The following NEO1 variants were observed in gnomAD, a reference collection of about 807,000 sequenced individuals.
NEO1 encodes neogenin 1, also known as neogenin.
A neutral mutation model predicts 159.7 loss-of-function variants in NEO1; 63 were observed. The ratio of observed to expected loss-of-function variants is 0.39; its 90% CI spans 0.32 to 0.49. The LOEUF (loss-of-function observed/expected upper bound fraction) is 0.49, where lower values mean the gene tolerates loss of function less well. NEO1 is among the 20% of genes least tolerant of loss of function. The pLI is 0.85. For synonymous variants in NEO1, 633 were observed against 662.0 expected (o/e 0.96, Z 0.67); for missense variants, 1,615 against 1,831.0 (o/e 0.88, Z 2.15).
intron 1 of NEO1, among the ~76,000 whole-genome samples, chr15:73,074,755 T>TA (rs2068691770): frequency 6.6e-6 from 1 of 152,176 alleles, no homozygotes; most frequent in Admixed American, 6.6e-5. Context: ...CTGTCAGTCT[T>TA]ACCCCAGGAG....
At chr15:73,093,018 A>T (rs573532181) in intron 1 of NEO1, among the ~76,000 whole-genome samples, 1 of 151,948 alleles carries the variant, frequency 6.6e-6, no homozygotes, top group Non-Finnish European at 1.5e-5. Flanking sequence ...CTTGGCTGTG[A>T]TAGTTTCTCA....
rs2042476627 is a variant in NEO1 at position 73,298,700 on chromosome 15, G to A, written c.4165+89G>A. 5 of 1,518,008 alleles carry A rather than the reference G, an allele frequency of 3.3e-6. No homozygotes were observed. The South Asian group carries it at 4.9e-5, about 15-fold the overall frequency. The allele number at this position is 1,518,008 out of a possible 1,614,324, so 94.0% of individuals were successfully genotyped here. A position where few individuals can be genotyped will look rare whatever the true frequency, so the allele number is the denominator to read the frequency against. ...GGGACAAAGCCACCCCTTCTTTGAAGTATAGCAAAGCAAATATCCTCCAAG... is the reference window on the plus strand; with the variant it reads ...GGGACAAAGCCACCCCTTCTTTGAAATATAGCAAAGCAAATATCCTCCAAG... On this transcript the variant is annotated intron_variant, in intron 27 of 28. Coordinates refer to ENST00000261908, the MANE Select transcript of NEO1 (RefSeq NM_002499.4).
intron 14 of NEO1, chr15:73,259,115 G>T (rs1283052437): frequency 5.7e-6 from 2 of 349,830 alleles, no homozygotes; most frequent in Non-Finnish European, 1.1e-5. Context: ...TGTGCTATAA[G>T]TTGGATTTTT....
rs869029902 is a variant in NEO1, at chr15:73,279,351, G to GTTTTTTTTTTTTTTTTTTTTTTTTT, written c.3262+1167_3262+1168insTTTTTTTTTTTTTTTTTTTTTTTTT. On this transcript the variant is annotated intron_variant, in intron 22 of 28. Coordinates refer to ENST00000261908, the MANE Select transcript of NEO1 (RefSeq NM_002499.4). ...ATGTTTTTTTGTTGTTTTGGTTTTG[G>GTTTTTTTTTTTTTTTTTTTTTTTTT]TTTTTTTTTTTTTTTGAGATGGAAT... Among the ~76,000 whole-genome samples the GTTTTTTTTTTTTTTTTTTTTTTTTT allele has an allele frequency of 1.8e-4, 21 of 119,342 alleles. 4 individuals carry two copies. Among genetic ancestry groups the GTTTTTTTTTTTTTTTTTTTTTTTTT allele is most frequent in the Admixed American group, 3.0e-4 (3 of 10,028 alleles). The allele number at this position is 119,342 out of a possible 152,430, so 78.3% of individuals were successfully genotyped here.
intron 11 of NEO1, among the ~76,000 whole-genome samples, chr15:73,252,777 G>T (rs980531630): frequency 6.6e-6 from 1 of 152,192 alleles, no homozygotes; most frequent in East Asian, 1.9e-4. Context: ...ATCACCTGAG[G>T]TCAGGAGTTC....
At chr15:73,127,111 G>A (rs1248361354) in intron 4 of NEO1, among the ~76,000 whole-genome samples, 4 of 151,828 alleles carry the variant, frequency 2.6e-5, no homozygotes, top group South Asian at 2.1e-4. Context: ...TGTGCCTGTA[G>A]TCCCAGCTAC....
chr15:73,290,722 G>A (rs748483940), intron 25 of NEO1, among the ~76,000 whole-genome samples: 21 of 152,326 alleles, frequency 1.4e-4, no homozygotes, highest in Non-Finnish European at 2.8e-4. Flanking sequence ...TTTCAAGGAA[G>A]TGAAGCCTTT....
intron 4 of NEO1, among the ~76,000 whole-genome samples, chr15:73,134,676 T>C (rs1279045130): frequency 1.3e-5 from 2 of 151,880 alleles, no homozygotes; most frequent in South Asian, 2.1e-4. Flanking sequence ...TCAGCCTCCG[T>C]GTAGCTGGGA....
chr15:73,240,753 A>G (rs996567669), intron 8 of NEO1, among the ~76,000 whole-genome samples: 3 of 152,204 alleles, frequency 2.0e-5, no homozygotes, highest in Non-Finnish European at 4.4e-5. Context: ...CTTGAAGTGG[A>G]TAGGACAAAT....
intron 7 of NEO1, among the ~76,000 whole-genome samples, chr15:73,207,522 T>C (rs2037308782): frequency 1.3e-5 from 2 of 152,230 alleles, no homozygotes; most frequent in Admixed American, 6.5e-5. Context: ...TCAGCAGCAG[T>C]GCTCTGGGCA....
chr15:73,290,275 G>C (rs2042112666), intron 25 of NEO1, among the ~76,000 whole-genome samples: 1 of 107,534 alleles, frequency 9.3e-6, no homozygotes, highest in Non-Finnish European at 1.7e-5. Flanking sequence ...GAGTCTTGCT[G>C]TGTCGCCAAG....
At chr15:73,130,807 G>A (rs141547960) in intron 4 of NEO1, among the ~76,000 whole-genome samples, 1 of 152,218 alleles carries the variant, frequency 6.6e-6, no homozygotes, top group Non-Finnish European at 1.5e-5. Flanking sequence ...GCCCAGCGGA[G>A]AGTCAAAGCT....
intron 5 of NEO1, among the ~76,000 whole-genome samples, chr15:73,141,629 A>G (rs2032395465): frequency 6.6e-6 from 1 of 152,186 alleles, no homozygotes; most frequent in Non-Finnish European, 1.5e-5. Flanking sequence ...AATACCTATA[A>G]CTAATCTACC....
intron 5 of NEO1, among the ~76,000 whole-genome samples, chr15:73,164,955 G>A (rs970018492): frequency 2.6e-5 from 4 of 152,108 alleles, no homozygotes; most frequent in Admixed American, 6.5e-5. Context: ...AGAGATGGGG[G>A]TCTTGCTAAG....
chr15:73,072,991 CAAG>C (rs1443595611), intron 1 of NEO1, among the ~76,000 whole-genome samples: 5 of 152,056 alleles, frequency 3.3e-5, no homozygotes, highest in South Asian at 2.1e-4. Context: ...GTTTGGGGGA[CAAG>C]AAGAACATGC....
At chr15:73,101,804 T>C (rs925210989) in intron 1 of NEO1, among the ~76,000 whole-genome samples, 1 of 152,164 alleles carries the variant, frequency 6.6e-6, no homozygotes, top group Non-Finnish European at 1.5e-5. Context: ...ATTGCCTGTA[T>C]CTATTTCAGT....
intron 1 of NEO1, among the ~76,000 whole-genome samples, chr15:73,089,446 A>G (rs1004205083): frequency 6.6e-6 from 1 of 152,162 alleles, no homozygotes; most frequent in South Asian, 2.1e-4. Context: ...GTGAACCAAT[A>G]ACTTCTCCTG....
chr15:73,198,226 A>G (rs766745810), intron 7 of NEO1, among the ~76,000 whole-genome samples: 3 of 152,062 alleles, frequency 2.0e-5, no homozygotes, highest in Non-Finnish European at 2.9e-5. Flanking sequence ...TCACCAAACA[A>G]TTAAAAAGAA....
At chr15:73,184,929 A>G (rs914348355) in intron 7 of NEO1, among the ~76,000 whole-genome samples, 2 of 152,182 alleles carry the variant, frequency 1.3e-5, no homozygotes, top group East Asian at 1.9e-4. Flanking sequence ...CTCTGTCTCA[A>G]AAGAAAAAAA....
Sources: gnomAD v4.1 joint callset for allele counts (sites outside exome capture counted in the v4.1 genomes callset) on GRCh38, gnomAD v4.1.1 for gene constraint, MANE v1.5 for transcripts, NCBI Gene and HGNC (gene_info 2026-07-23, HGNC 2026-07-21) for gene names.